Variants in GHR observed in about 807,000 individuals in gnomAD.
GHR encodes the protein GH receptor.
GHR carries 35 observed loss-of-function variants against 67.1 expected under a neutral mutation model. The observed-to-expected ratio is 0.52, with a 90% CI of 0.40 to 0.69. The LOEUF is 0.69. Among genes scored for constraint, GHR ranks in the 30% least tolerant of loss-of-function variants. GHR has a pLI of 0.00. For synonymous variants in GHR, 272 were observed against 269.1 expected (o/e 1.01, Z -0.10); for missense variants, 792 against 764.6 (o/e 1.04, Z -0.42).
chr5:42,531,006 C>T (rs558068232), intron 1 of GHR, among the ~76,000 whole-genome samples: 5 of 152,284 alleles, frequency 3.3e-5, no homozygotes, highest in African/African-American at 7.2e-5. Flanking sequence ...CAGTGGCTCA[C>T]GCCTGTAATC....
chr5:42,687,834 A>T (rs1757233984), intron 3 of GHR, among the ~76,000 whole-genome samples: 1 of 152,218 alleles, frequency 6.6e-6, no homozygotes, highest in African/African-American at 2.4e-5. Flanking sequence ...GGCTAATCAT[A>T]TAAGGAGAAA....
intron 1 of GHR, among the ~76,000 whole-genome samples, chr5:42,549,198 C>A (rs1748889885): frequency 6.6e-6 from 1 of 152,174 alleles, no homozygotes; most frequent in Non-Finnish European, 1.5e-5. Flanking sequence ...TAAAACCCAT[C>A]CCATAATGCC....
chr5:42,452,583 T>C (rs141886582), intron 1 of GHR, among the ~76,000 whole-genome samples: 28 of 152,280 alleles, frequency 1.8e-4, no homozygotes, highest in African/African-American at 6.7e-4. Flanking sequence ...GTGGAAACTT[T>C]GTTCATTTTT....
intron 1 of GHR, among the ~76,000 whole-genome samples, chr5:42,550,884 C>T (rs1395751360): frequency 6.6e-6 from 1 of 152,156 alleles, no homozygotes; most frequent in Admixed American, 6.6e-5. Flanking sequence ...TGCACCAACA[C>T]CCGGCACCCT....
chr5:42,707,830 ATC>A (rs1275612661), intron 6 of GHR, among the ~76,000 whole-genome samples: 1 of 152,104 alleles, frequency 6.6e-6, no homozygotes, highest in Admixed American at 6.6e-5. Flanking sequence ...TCACACTTAC[ATC>A]TTTTTATATT....
chr5:42,518,868 G>A (rs186354774), intron 1 of GHR, among the ~76,000 whole-genome samples: 2 of 152,180 alleles, frequency 1.3e-5, no homozygotes, highest in East Asian at 3.9e-4. Flanking sequence ...AGCTGAAGAA[G>A]TCACTTGAAA....
At chr5:42,599,356 C>CTTT (rs1561156792) in intron 2 of GHR, among the ~76,000 whole-genome samples, 7 of 125,720 alleles carry the variant, frequency 5.6e-5, no homozygotes, top group Admixed American at 1.5e-4. Flanking sequence ...GCCTACAGCA[C>CTTT]ATTTTTTTTT....
intron 1 of GHR, among the ~76,000 whole-genome samples, chr5:42,425,885 C>G (rs576502420): frequency 1.3e-5 from 2 of 152,262 alleles, no homozygotes; most frequent in South Asian, 2.1e-4. Context: ...CCATGGAAAG[C>G]CAACACTTAA....
chr5:42,704,768 T>C (rs1013679803), intron 6 of GHR, among the ~76,000 whole-genome samples: 2 of 152,042 alleles, frequency 1.3e-5, no homozygotes, highest in East Asian at 3.8e-4. Flanking sequence ...AGTAGGTTGT[T>C]GTGTGTAGGA....
Position 42,720,758 on chromosome 5 carries a change from C to A in GHR, c.*1334C>A, listed in dbSNP as rs1758980643. ...AAAGAAACTTTCTTTCTCACTAAAT[C>A]TTTTATAGGATTTATTTAAAATAGC... On this transcript the variant is annotated 3_prime_UTR_variant, in exon 10 of 10. Transcript: ENST00000230882. The A allele has an allele frequency of 6.6e-6, 1 of 152,138 alleles. No homozygotes were observed. Among genetic ancestry groups the A allele is most frequent in the East Asian group, 1.9e-4 (1 of 5,198 alleles). 9.4% of individuals were successfully genotyped at this position (152,138 alleles called of 1,614,324 possible). A position where few individuals can be genotyped will look rare whatever the true frequency, so the allele number is the denominator to read the frequency against.
At chr5:42,472,126 G>T (rs1052687089) in intron 1 of GHR, among the ~76,000 whole-genome samples, 1 of 152,166 alleles carries the variant, frequency 6.6e-6, no homozygotes, top group East Asian at 1.9e-4. Flanking sequence ...ATGTTGAGTT[G>T]ACAAACTATG....
In GHR at chr5:42,539,146, T is replaced by G. The variant is rs375360521; in HGVS notation, c.-11-26718T>G. On this transcript the variant is annotated intron_variant, in intron 1 of 9. Coordinates refer to ENST00000230882, the MANE Select transcript of GHR (RefSeq NM_000163.5). ...TCACCTTTCTCTAGTGCCTCCCTGA[T>G]TAGCTTAATAACTAACCTCCTGAAT... Among the ~76,000 whole-genome samples, 8 of 152,310 alleles carry G rather than the reference T, an allele frequency of 5.3e-5. No individual in the cohort carries two copies. The East Asian group carries it at 1.4e-3, about 26-fold the overall frequency.
chr5:42,529,932 A>C (rs1355286481), intron 1 of GHR, among the ~76,000 whole-genome samples: 1 of 152,082 alleles, frequency 6.6e-6, no homozygotes, highest in African/African-American at 2.4e-5. Context: ...ACTAAAGAGA[A>C]ATAGAATGAA....
intron 1 of GHR, among the ~76,000 whole-genome samples, chr5:42,536,199 T>C (rs1313002265): frequency 3.3e-5 from 5 of 152,132 alleles, no homozygotes; most frequent in African/African-American, 9.7e-5. Flanking sequence ...CCCAGTACTA[T>C]GTTGAAGAGG....
chr5:42,497,986 C>G (rs1344812456), intron 1 of GHR, among the ~76,000 whole-genome samples: 2 of 152,070 alleles, frequency 1.3e-5, no homozygotes, highest in Non-Finnish European at 2.9e-5. Context: ...TTCCATTTTG[C>G]CATAATTTTG....
At chr5:42,692,849 T>C (rs1328393182) in intron 4 of GHR, among the ~76,000 whole-genome samples, 2 of 152,218 alleles carry the variant, frequency 1.3e-5, no homozygotes, top group Non-Finnish European at 2.9e-5. Flanking sequence ...CTATCACTTA[T>C]GCTAAGTACA....
intron 3 of GHR, among the ~76,000 whole-genome samples, chr5:42,659,019 C>G (rs1168604240): frequency 2.0e-5 from 3 of 152,048 alleles, no homozygotes; most frequent in Admixed American, 2.0e-4. Flanking sequence ...ATAAGGCTTT[C>G]TAAGTTTCAG....
Position 42,658,627 on chromosome 5 carries a change from G to T in GHR, c.136+29524G>T, listed in dbSNP as rs139257429. 9.4e-4 allele frequency among the ~76,000 whole-genome samples: 143 copies of T among 152,214 alleles called. 2 individuals carry two copies. The East Asian group carries it at 0.023, about 25-fold the overall frequency. ...GAATTATAATTCTCATACCATAGTGGTTCTCATCAAGGGTGATTTTTTTCC... is the reference window on the plus strand; with the variant it reads ...GAATTATAATTCTCATACCATAGTGTTTCTCATCAAGGGTGATTTTTTTCC... On this transcript the variant is annotated intron_variant, in intron 3 of 9. Coordinates refer to ENST00000230882, the MANE Select transcript of GHR (RefSeq NM_000163.5).
intron 3 of GHR, among the ~76,000 whole-genome samples, chr5:42,650,044 T>G (rs1754937263): frequency 6.6e-6 from 1 of 152,140 alleles, no homozygotes; most frequent in Non-Finnish European, 1.5e-5. Flanking sequence ...GAATATTGAT[T>G]GAGCACCTAT....
Sources: gnomAD v4.1 joint callset for allele counts (sites outside exome capture counted in the v4.1 genomes callset) on GRCh38, gnomAD v4.1.1 for gene constraint, MANE v1.5 for transcripts, NCBI Gene and HGNC (gene_info 2026-07-23, HGNC 2026-07-21) for gene names.